The following CCDC102B variants were observed in gnomAD, a reference collection of about 807,000 sequenced individuals.
CCDC102B encodes the protein coiled-coil domain containing 102B.
CCDC102B carries 75 observed loss-of-function variants against 57.4 expected under a neutral mutation model. The observed-to-expected ratio is 1.31, with a 90% CI of 1.08 to 1.58. The LOEUF is 1.58. CCDC102B is among the 40% of genes most tolerant of loss of function. The pLI is 0.00. For synonymous variants in CCDC102B, 206 were observed against 201.9 expected (o/e 1.02, Z -0.17); for missense variants, 636 against 582.6 (o/e 1.09, Z -0.94).
chr18:68,896,026 C>G (rs2040229492), intron 5 of CCDC102B, among the ~76,000 whole-genome samples: 1 of 151,964 alleles, frequency 6.6e-6, no homozygotes, highest in Non-Finnish European at 1.5e-5. Context: ...AATTTCACTT[C>G]TCACAAACCT....
At chr18:68,740,487 G>A (rs2033333053) in intron 2 of CCDC102B, among the ~76,000 whole-genome samples, 1 of 152,186 alleles carries the variant, frequency 6.6e-6, no homozygotes, top group South Asian at 2.1e-4. Flanking sequence ...TTACAGGATT[G>A]TTACTCCTAT....
At chr18:68,750,612 T>A (rs536418001) in intron 2 of CCDC102B, among the ~76,000 whole-genome samples, 3 of 152,118 alleles carry the variant, frequency 2.0e-5, no homozygotes, top group African/African-American at 7.2e-5. Flanking sequence ...TGGAATACCA[T>A]GCAGCTGTAA....
At chr18:68,906,547 T>C (rs1038363235) in intron 6 of CCDC102B, among the ~76,000 whole-genome samples, 3 of 152,178 alleles carry the variant, frequency 2.0e-5, no homozygotes, top group African/African-American at 7.2e-5. Flanking sequence ...TCCCAGTGGG[T>C]TTGGTTTCTC....
chr18:68,984,402 TAAAG>T (rs2050671214), intron 6 of CCDC102B, among the ~76,000 whole-genome samples: 1 of 152,208 alleles, frequency 6.6e-6, no homozygotes, highest in East Asian at 1.9e-4. Context: ...GGACAAACCA[TAAAG>T]AGTTTCCTAC....
intron 7 of CCDC102B, among the ~76,000 whole-genome samples, chr18:69,047,788 T>C (rs1004390543): frequency 1.3e-5 from 2 of 152,004 alleles, no homozygotes; most frequent in Non-Finnish European, 2.9e-5. Context: ...CCATTCACAA[T>C]AGCCCCCAAA....
At chr18:68,783,030 C>G (rs2035060113) in intron 2 of CCDC102B, among the ~76,000 whole-genome samples, 1 of 152,116 alleles carries the variant, frequency 6.6e-6, no homozygotes, top group Admixed American at 6.6e-5. Context: ...TTCTCTTTTG[C>G]AGATTCACAA....
At chr18:68,758,476 G>A (rs902522601) in intron 2 of CCDC102B, among the ~76,000 whole-genome samples, 4 of 151,942 alleles carry the variant, frequency 2.6e-5, no homozygotes, top group Admixed American at 2.6e-4. Flanking sequence ...GGGATAGCAT[G>A]CTGGAAAACT....
intron 6 of CCDC102B, among the ~76,000 whole-genome samples, chr18:68,991,956 C>T (rs2050879073): frequency 6.6e-6 from 1 of 152,126 alleles, no homozygotes; most frequent in Non-Finnish European, 1.5e-5. Flanking sequence ...GAAAGACATA[C>T]ATAAATATGA....
At chr18:68,732,446 A>G (rs532285140) in intron 2 of CCDC102B, among the ~76,000 whole-genome samples, 1 of 151,928 alleles carries the variant, frequency 6.6e-6, no homozygotes, top group Admixed American at 6.6e-5. Flanking sequence ...CCCAAGTTCA[A>G]GCAATTCTCT....
intron 3 of CCDC102B, among the ~76,000 whole-genome samples, chr18:68,841,870 T>A (rs991537408): frequency 6.6e-6 from 1 of 152,120 alleles, no homozygotes; most frequent in Non-Finnish European, 1.5e-5. Context: ...GTAGCTGGAA[T>A]TACAGGCTGT....
chr18:68,983,971 C>G (rs2050660194), intron 6 of CCDC102B, among the ~76,000 whole-genome samples: 1 of 151,550 alleles, frequency 6.6e-6, no homozygotes, highest in African/African-American at 2.4e-5. Flanking sequence ...AAAAAAATTC[C>G]AAAAGAAATT....
intron 6 of CCDC102B, among the ~76,000 whole-genome samples, chr18:68,921,018 TCTC>T (rs1883912723): frequency 6.6e-6 from 1 of 152,086 alleles, no homozygotes; most frequent in South Asian, 2.1e-4. Context: ...CTCCAAATGT[TCTC>T]CTCATCCAGA....
chr18:68,921,358 CTT>C lies in CCDC102B; in HGVS notation c.1263+23932_1263+23933del, dbSNP rs200658876. 5.6e-3 allele frequency among the ~76,000 whole-genome samples: 848 copies of C among 152,290 alleles called. 12 individuals are homozygous for C. The highest frequency in any genetic ancestry group is 0.02 in the African/African-American group (815 of 41,562). On this transcript the variant is annotated intron_variant, in intron 6 of 7. Transcript: ENST00000360242. ...GAGTTTCCCCACACAAGCTCTCTCT[CTT>C]TGCCTGATTAACTGTATGTCTATGG...
chr18:68,919,138 A>G (rs1182295249), intron 6 of CCDC102B, among the ~76,000 whole-genome samples: 2 of 151,958 alleles, frequency 1.3e-5, no homozygotes, highest in Non-Finnish European at 2.9e-5. Context: ...TCTATGATAC[A>G]TATTATATTA....
chr18:68,885,333 C>T (rs554622424), intron 5 of CCDC102B, among the ~76,000 whole-genome samples: 7 of 151,940 alleles, frequency 4.6e-5, no homozygotes, highest in South Asian at 2.1e-4. Context: ...AGTTTAAAAG[C>T]GAGAGAATTA....
At chr18:68,861,434 C>A (rs897633548) in intron 4 of CCDC102B, among the ~76,000 whole-genome samples, 5 of 152,080 alleles carry the variant, frequency 3.3e-5, no homozygotes, top group African/African-American at 9.6e-5. Flanking sequence ...TTATTCTTAA[C>A]CTTTGTTCTG....
At chr18:68,794,093 G>A (rs1034136027), upstream of CCDC102B, among the ~76,000 whole-genome samples, 2 of 152,054 alleles carry the variant, frequency 1.3e-5, no homozygotes, top group African/African-American at 4.8e-5. Context: ...AAGGACATAG[G>A]AGAAACCTGA....
rs33926572 is a variant in CCDC102B, at chr18:68,843,970, T to TA, written c.828-2334dup. 3.6e-3 allele frequency among the ~76,000 whole-genome samples: 547 copies of TA among 151,448 alleles called. 6 individuals are homozygous for TA. The highest frequency in any genetic ancestry group is 0.013 in the African/African-American group (523 of 41,352). ...GTTTATGATGGGGCTATCTAAATACTAAAAAAAAATTTAAGTATCCCATTG... is the reference window on the plus strand; with the variant it reads ...GTTTATGATGGGGCTATCTAAATACTAAAAAAAAAATTTAAGTATCCCATTG... On this transcript the variant is annotated intron_variant, in intron 3 of 7. Coordinates refer to ENST00000360242, the MANE Select transcript of CCDC102B (RefSeq NM_024781.3).
intron 6 of CCDC102B, among the ~76,000 whole-genome samples, chr18:68,995,489 C>T (rs1372535835): frequency 6.6e-6 from 1 of 152,076 alleles, no homozygotes; most frequent in Non-Finnish European, 1.5e-5. Flanking sequence ...CCCAGCATCC[C>T]AGCTGTAGCT....
Sources: gnomAD v4.1 joint callset for allele counts (sites outside exome capture counted in the v4.1 genomes callset) on GRCh38, gnomAD v4.1.1 for gene constraint, MANE v1.5 for transcripts, NCBI Gene and HGNC (gene_info 2026-07-23, HGNC 2026-07-21) for gene names.